The following KBTBD12 variants were observed in gnomAD, a reference collection of about 807,000 sequenced individuals.
KBTBD12 encodes the protein kelch repeat and BTB domain-containing protein 12.
KBTBD12 carries 53 observed loss-of-function variants against 58.7 expected under a neutral mutation model. The ratio of observed to expected loss-of-function variants is 0.90; its 90% CI spans 0.72 to 1.14. KBTBD12 has a LOEUF of 1.14. Among genes scored for constraint, KBTBD12 ranks in the 50% most tolerant of loss-of-function variants. KBTBD12 has a pLI of 0.00. For missense variants in KBTBD12, 704 were observed against 751.3 expected (o/e 0.94, Z 0.74); for synonymous variants, 236 against 259.8 (o/e 0.91, Z 0.88).
intron 3 of KBTBD12, among the ~76,000 whole-genome samples, chr3:127,928,698 T>G (rs1401245893): frequency 6.6e-6 from 1 of 152,234 alleles, no homozygotes; most frequent in Non-Finnish European, 1.5e-5. Flanking sequence ...TCACTTCAGC[T>G]GCCTCATGCC....
chr3:127,943,334 G>A (rs4857844), intron 4 of KBTBD12, among the ~76,000 whole-genome samples: 150,952 of 152,326 alleles, frequency 0.99, 74,858 homozygotes, highest in Middle Eastern at 1. Flanking sequence ...CCTTTTCTCT[G>A]TATTGTCAAC....
At position 127,973,451 on chromosome 3, in the gene KBTBD12, C is replaced by T. The variant is rs548680128; in HGVS notation, c.1690+10065C>T. On this transcript the variant is annotated intron_variant, in intron 5 of 5. Transcript: ENST00000405109. The stretch of plus-strand genomic sequence containing the variant: ...TGAAAATAACAGCTATTGAGTTATT[C>T]TGGGGACAACTGGGGAAATTAGAAT... Among the ~76,000 whole-genome samples, 10 of 152,204 alleles carry T rather than the reference C, an allele frequency of 6.6e-5. No individual in the cohort carries two copies. The South Asian group carries it at 2.1e-3, about 32-fold the overall frequency.
At chr3:127,958,841 G>A (rs62271662) in intron 4 of KBTBD12, among the ~76,000 whole-genome samples, 2,082 of 152,264 alleles carry the variant, frequency 0.014, 25 homozygotes, top group Middle Eastern at 0.037. Flanking sequence ...GGCTATGAAG[G>A]CCAGCAGATA....
In KBTBD12 at chr3:127,924,086, C is replaced by G; in HGVS notation, c.1025C>G (p.Ala342Gly). The G allele has an allele frequency of 6.2e-7, 1 of 1,613,210 alleles. No individual in the cohort carries two copies. Among genetic ancestry groups the G allele is most frequent in the South Asian group, 1.1e-5 (1 of 91,004 alleles). The change falls in exon 2 of 6, where the codon GCC becomes GGC. Residue 342 changes from alanine (A) to glycine (G), a missense_variant. Ala to Gly is a moderately conservative substitution (Grantham distance 60). Coordinates refer to ENST00000405109, the MANE Select transcript of KBTBD12 (RefSeq NM_207335.4). The stretch of plus-strand genomic sequence containing the variant: ...ATAATTGTGGCTGGAGAAGCAAGTG[C>G]CTCTAAACTCTCTAGACAAAAGAAC... ...NTIIVAGEAS[A>G]SKLSRQKNKN...
intron 4 of KBTBD12, among the ~76,000 whole-genome samples, chr3:127,946,088 C>A (rs768467254): frequency 1.3e-5 from 2 of 152,156 alleles, no homozygotes; most frequent in African/African-American, 2.4e-5. Context: ...AATATAAGAA[C>A]CTGACAACAG....
chr3:127,936,793 G>A (rs182850616), intron 4 of KBTBD12, among the ~76,000 whole-genome samples: 1 of 152,120 alleles, frequency 6.6e-6, no homozygotes, highest in Non-Finnish European at 1.5e-5. Flanking sequence ...TATACTAGAA[G>A]TAAACCTGCC....
intron 4 of KBTBD12, 66 bp from the exon 5 acceptor site, chr3:127,963,123 G>A: frequency 7.5e-7 from 1 of 1,338,708 alleles, no homozygotes; most frequent in Non-Finnish European, 1.0e-6. Context: ...CCATGCAGGG[G>A]GCAGTGCTGT....
rs971762908 is a variant in KBTBD12 at position 127,949,828 on chromosome 3, G to A, written c.1493-13361G>A. Among the ~76,000 whole-genome samples, 7 of 152,288 alleles carry A rather than the reference G, an allele frequency of 4.6e-5. No homozygotes were observed. The East Asian group carries it at 5.8e-4, about 13-fold the overall frequency. On this transcript the variant is annotated intron_variant, in intron 4 of 5. Transcript: ENST00000405109. Reference sequence around the variant, plus strand: ...TTCCTACATTTAGTCCCTGTTTTGCGGCTGTGTAAGCCAGGTGGTGAGCCA... The same window carrying A: ...TTCCTACATTTAGTCCCTGTTTTGCAGCTGTGTAAGCCAGGTGGTGAGCCA...
At chr3:127,924,357 A>C (rs898818261) in intron 2 of KBTBD12, among the ~76,000 whole-genome samples, 14 of 148,386 alleles carry the variant, frequency 9.4e-5, no homozygotes, top group African/African-American at 3.2e-4. Flanking sequence ...GCATATATAA[A>C]AATATATAAA....
chr3:127,973,152 G>A (rs1449294430), intron 5 of KBTBD12, among the ~76,000 whole-genome samples: 2 of 152,076 alleles, frequency 1.3e-5, no homozygotes, highest in Non-Finnish European at 2.9e-5. Context: ...GTCTTCTCAT[G>A]TCCCCACCAC....
In KBTBD12 at chr3:127,985,386, T is replaced by C. The variant is rs1228939023; in HGVS notation, c.*1108T>C. ...TTAGAAATAACATTTAAATGACACATGGGAAGTCCGTCTATCTTACTTCCC... is the reference window on the plus strand; with the variant it reads ...TTAGAAATAACATTTAAATGACACACGGGAAGTCCGTCTATCTTACTTCCC... On this transcript the variant is annotated 3_prime_UTR_variant, in exon 6 of 6. Coordinates refer to ENST00000405109, the MANE Select transcript of KBTBD12 (RefSeq NM_207335.4). 2.0e-5 allele frequency: 3 copies of C among 152,198 alleles called. No homozygotes were observed. The highest frequency in any genetic ancestry group is 7.2e-5 in the African/African-American group (3 of 41,440). The allele number at this position is 152,198 out of a possible 1,614,324, so 9.4% of individuals were successfully genotyped here.
chr3:127,960,219 G>A (rs1215476289), intron 4 of KBTBD12, among the ~76,000 whole-genome samples: 1 of 152,136 alleles, frequency 6.6e-6, no homozygotes, highest in Non-Finnish European at 1.5e-5. Flanking sequence ...GTTCACTCCT[G>A]CACCCCACAG....
At chr3:127,915,738 G>T (rs928553929) in intron 1 of KBTBD12, among the ~76,000 whole-genome samples, 152 bp downstream of exon 1, 3 of 152,204 alleles carry the variant, frequency 2.0e-5, no homozygotes, top group Admixed American at 2.0e-4. Context: ...GTGGGCCGGC[G>T]CCTGGCGTCA....
chr3:127,953,057 A>G (rs1222237047), intron 4 of KBTBD12, among the ~76,000 whole-genome samples: 3 of 152,260 alleles, frequency 2.0e-5, no homozygotes, highest in Non-Finnish European at 4.4e-5. Context: ...AATAAGGATG[A>G]TAATAATACA....
chr3:127,964,470 TA>T (rs59832982), intron 5 of KBTBD12, among the ~76,000 whole-genome samples: 23,164 of 142,018 alleles, frequency 0.16, 1,972 homozygotes, highest in South Asian at 0.32. Context: ...CATCTCTACT[TA>T]AAAAAAAAAA....
chr3:127,956,440 A>G (rs1355542749), intron 4 of KBTBD12, among the ~76,000 whole-genome samples: 1 of 151,738 alleles, frequency 6.6e-6, no homozygotes, highest in African/African-American at 2.4e-5. Context: ...ATTTCCCAGC[A>G]GACTCTGAGT....
chr3:127,961,705 C>A (rs1940442251), intron 4 of KBTBD12, among the ~76,000 whole-genome samples: 1 of 150,756 alleles, frequency 6.6e-6, no homozygotes. Context: ...AAAGCACATG[C>A]AAAATTAAAC....
At chr3:127,954,905 A>G (rs1940288870) in intron 4 of KBTBD12, among the ~76,000 whole-genome samples, 1 of 152,168 alleles carries the variant, frequency 6.6e-6, no homozygotes. Flanking sequence ...ATCTCCTTGT[A>G]GTGGTTTATG....
At chr3:127,925,229 A>G (rs902826185) in intron 2 of KBTBD12, among the ~76,000 whole-genome samples, 3 of 152,284 alleles carry the variant, frequency 2.0e-5, no homozygotes, top group Admixed American at 6.5e-5. Context: ...ACCCGTGCCC[A>G]TGGGTACCAA....
Sources: gnomAD v4.1 joint callset for allele counts (sites outside exome capture counted in the v4.1 genomes callset) on GRCh38, gnomAD v4.1.1 for gene constraint, MANE v1.5 for transcripts, NCBI Gene and HGNC (gene_info 2026-07-23, HGNC 2026-07-21) for gene names.